The following CHODL variants were observed in gnomAD, a reference collection of about 807,000 sequenced individuals.
The protein encoded by CHODL is transmembrane protein MT75.
Under a neutral mutation model 34.5 loss-of-function variants are expected in CHODL, and 29 were observed. The observed-to-expected ratio is 0.84, with a 90% CI of 0.63 to 1.15. The LOEUF is 1.15. Among genes scored for constraint, CHODL ranks in the 50% most tolerant of loss-of-function variants. CHODL has a pLI of 0.00. For missense variants in CHODL, 332 were observed against 332.5 expected (o/e 1.00, Z 0.01); for synonymous variants, 125 against 116.1 (o/e 1.08, Z -0.49).
intron 2 of CHODL, among the ~76,000 whole-genome samples, chr21:18,127,874 C>G (rs1439057851): frequency 6.6e-6 from 1 of 151,340 alleles, no homozygotes; most frequent in African/African-American, 2.4e-5. Flanking sequence ...TGTGGGACAC[C>G]GTCAAACAGA....
At chr21:18,089,349 A>T (rs1568880166) in intron 2 of CHODL, among the ~76,000 whole-genome samples, 2 of 152,060 alleles carry the variant, frequency 1.3e-5, no homozygotes, top group Non-Finnish European at 2.9e-5. Flanking sequence ...CTTCAGCTTC[A>T]TAACATTTAT....
intron 1 of CHODL, among the ~76,000 whole-genome samples, chr21:17,974,954 A>T (rs2063649297): frequency 1.3e-5 from 2 of 148,508 alleles, no homozygotes; most frequent in Admixed American, 1.4e-4. Flanking sequence ...ATTTAAAATA[A>T]TATATATTAT....
intron 2 of CHODL, among the ~76,000 whole-genome samples, chr21:18,132,120 G>A (rs1045514170): frequency 6.6e-6 from 1 of 151,932 alleles, no homozygotes; most frequent in Non-Finnish European, 1.5e-5. Flanking sequence ...TAGGGTATAT[G>A]TGCACAATAT....
At chr21:17,966,682 G>A (rs944413885) in intron 1 of CHODL, among the ~76,000 whole-genome samples, 1 of 152,162 alleles carries the variant, frequency 6.6e-6, no homozygotes, top group Admixed American at 6.5e-5. Flanking sequence ...ATCAAATTTT[G>A]TAGAGTTGGG....
intron 2 of CHODL, among the ~76,000 whole-genome samples, chr21:18,049,124 CAG>C (rs1408655747): frequency 1.3e-5 from 2 of 151,870 alleles, no homozygotes; most frequent in African/African-American, 4.8e-5. Flanking sequence ...TAAACAGACA[CAG>C]TGTTTAAGCT....
rs186383129 is a variant in CHODL, at chr21:18,106,908, C to A, written c.-45+78937C>A. Among the ~76,000 whole-genome samples, 343 of 152,272 alleles carry A rather than the reference C, an allele frequency of 2.3e-3. 1 individual carries two copies. The highest frequency in any genetic ancestry group is 6.8e-3 in the Middle Eastern group (2 of 294). On this transcript the variant is annotated intron_variant, in intron 2 of 6. Coordinates refer to the CHODL transcript ENST00000400127. ...CAGGCCTTATGGGACCCTGACACCACCCTGTGGTTGTTGTCCCTGCACCCA... is the reference window on the plus strand; with the variant it reads ...CAGGCCTTATGGGACCCTGACACCAACCTGTGGTTGTTGTCCCTGCACCCA...
At chr21:17,963,352 C>T (rs939331136) in intron 1 of CHODL, among the ~76,000 whole-genome samples, 7 of 152,152 alleles carry the variant, frequency 4.6e-5, no homozygotes, top group Admixed American at 1.3e-4. Context: ...TGTCCATTTT[C>T]GTACTGCTCT....
Position 18,245,016 on chromosome 21 carries a change from C to A in CHODL, c.-208C>A. 2.1e-6 allele frequency: 1 copy of A among 474,796 alleles called. No homozygotes were observed. Among genetic ancestry groups the A allele is most frequent in the Non-Finnish European group, 3.7e-6 (1 of 272,770 alleles). The allele number at this position is 474,796 out of a possible 1,614,324, so 29.4% of individuals were successfully genotyped here. A position where few individuals can be genotyped will look rare whatever the true frequency, so the allele number is the denominator to read the frequency against. ...GCACCCTCGAAGTCTTGAACTCCAG[C>A]CCCGCACATCCACGCGCGGCACAGG... On this transcript the variant is annotated 5_prime_UTR_variant, in exon 1 of 6. Transcript: ENST00000299295.
At chr21:18,227,450 A>T (rs2073940885) in intron 2 of CHODL, among the ~76,000 whole-genome samples, 2 of 152,302 alleles carry the variant, frequency 1.3e-5, no homozygotes, top group South Asian at 4.1e-4. Flanking sequence ...ACTTTACAAC[A>T]TATATGTTGT....
In CHODL at chr21:18,201,563, G is replaced by GT. The variant is rs199808475; in HGVS notation, c.-44-54939dup. 4.8e-3 allele frequency among the ~76,000 whole-genome samples: 732 copies of GT among 152,074 alleles called. 3 individuals are homozygous for GT. The highest frequency in any genetic ancestry group is 7.2e-3 in the Non-Finnish European group (490 of 67,958). On this transcript the variant is annotated intron_variant, in intron 2 of 6. Transcript: ENST00000400127. The stretch of plus-strand genomic sequence containing the variant: ...CATTTCATAGAGACTTATTTTGAAG[G>GT]TTTTTTTCTTTCCTTGGTATATTAA...
chr21:18,147,779 A>G (rs1486564646), intron 2 of CHODL, among the ~76,000 whole-genome samples: 4 of 152,226 alleles, frequency 2.6e-5, no homozygotes, highest in Non-Finnish European at 5.9e-5. Context: ...CACAGAACTT[A>G]TCTAATAGTT....
upstream of CHODL, among the ~76,000 whole-genome samples, chr21:18,240,487 T>C (rs2074071127): frequency 6.6e-6 from 1 of 152,124 alleles, no homozygotes; most frequent in African/African-American, 2.4e-5. Flanking sequence ...AATCTTACCG[T>C]AGTACAATAT....
chr21:18,044,274 A>C (rs887764062), intron 2 of CHODL, among the ~76,000 whole-genome samples: 2 of 152,036 alleles, frequency 1.3e-5, no homozygotes, highest in Non-Finnish European at 2.9e-5. Flanking sequence ...ATAATTTCAC[A>C]TACAAATGCT....
intron 1 of CHODL, among the ~76,000 whole-genome samples, chr21:18,009,289 C>G (rs1402935211): frequency 6.6e-6 from 1 of 151,838 alleles, no homozygotes; most frequent in Non-Finnish European, 1.5e-5. Context: ...CTCTAATCAC[C>G]TTAATTTTGA....
chr21:18,141,138 AAAAGT>A (rs1478309268), intron 2 of CHODL, among the ~76,000 whole-genome samples: 1 of 152,110 alleles, frequency 6.6e-6, no homozygotes, highest in Non-Finnish European at 1.5e-5. Context: ...TGAAGAAAAG[AAAAGT>A]AATGGAGATA....
intron 2 of CHODL, among the ~76,000 whole-genome samples, chr21:18,196,735 T>C (rs2073592393): frequency 6.6e-6 from 1 of 152,168 alleles, no homozygotes; most frequent in Non-Finnish European, 1.5e-5. Context: ...ATGGTTATTA[T>C]TACACATATT....
chr21:18,118,165 C>T (rs1446172246), intron 2 of CHODL, among the ~76,000 whole-genome samples: 1 of 152,130 alleles, frequency 6.6e-6, no homozygotes, highest in African/African-American at 2.4e-5. Flanking sequence ...TAACAAACTG[C>T]ATAAATTGCT....
chr21:18,068,378 G>A (rs1291515259), intron 2 of CHODL, among the ~76,000 whole-genome samples: 2 of 152,046 alleles, frequency 1.3e-5, no homozygotes, highest in South Asian at 2.1e-4. Context: ...TGTATTTTTA[G>A]TAGGAACAGG....
upstream of CHODL, among the ~76,000 whole-genome samples, chr21:18,241,464 T>C (rs1419263116): frequency 6.6e-6 from 1 of 152,118 alleles, no homozygotes; most frequent in East Asian, 1.9e-4. Context: ...TAATGTAAAG[T>C]TGTAATAATT....
Sources: gnomAD v4.1 joint callset for allele counts (sites outside exome capture counted in the v4.1 genomes callset) on GRCh38, gnomAD v4.1.1 for gene constraint, MANE v1.5 for transcripts, NCBI Gene and HGNC (gene_info 2026-07-23, HGNC 2026-07-21) for gene names.